The following RBFOX1 variants were observed in gnomAD, a reference collection of about 807,000 sequenced individuals.
RBFOX1 encodes the protein RNA binding protein fox-1 homolog 1.
Under a neutral mutation model 57.7 loss-of-function variants are expected in RBFOX1, and 8 were observed. The observed-to-expected ratio is 0.14, with a 90% CI of 0.08 to 0.25. The LOEUF is 0.25. Ranked by LOEUF, RBFOX1 falls within the 10% of genes least tolerant of loss-of-function variation. The probability of loss-of-function intolerance (pLI) is 1.00; values close to 1 mark genes in which losing one functional copy is unlikely to be tolerated. For missense variants in RBFOX1, 611 were observed against 548.5 expected (o/e 1.11, Z -1.14); for synonymous variants, 326 against 222.4 (o/e 1.47, Z -4.15).
At chr16:6,728,725 C>G (rs533403138) in intron 3 of RBFOX1, among the ~76,000 whole-genome samples, 3 of 152,050 alleles carry the variant, frequency 2.0e-5, no homozygotes, top group Non-Finnish European at 4.4e-5. Flanking sequence ...ATATTTAATG[C>G]TCAATAGAAG....
At chr16:6,843,265 A>T (rs2093586683) in intron 3 of RBFOX1, among the ~76,000 whole-genome samples, 1 of 152,176 alleles carries the variant, frequency 6.6e-6, no homozygotes, top group Non-Finnish European at 1.5e-5. Flanking sequence ...CAGCAGTATC[A>T]AGTTAGCCAA....
intron 3 of RBFOX1, among the ~76,000 whole-genome samples, chr16:5,751,458 G>C (rs2053200083): frequency 6.6e-6 from 1 of 152,200 alleles, no homozygotes; most frequent in Admixed American, 6.5e-5. Context: ...TACATCCACT[G>C]TAGACTTCTG....
chr16:5,475,378 T>C (rs2069284798), intron 2 of RBFOX1, among the ~76,000 whole-genome samples: 1 of 152,190 alleles, frequency 6.6e-6, no homozygotes, highest in Non-Finnish European at 1.5e-5. Flanking sequence ...CTGTAACCCT[T>C]GTTTCTCTAA....
chr16:5,819,864 G>T (rs73514239), intron 3 of RBFOX1, among the ~76,000 whole-genome samples: 3 of 152,164 alleles, frequency 2.0e-5, no homozygotes, highest in Non-Finnish European at 4.4e-5. Context: ...AGCTAGCTTT[G>T]TACCTCAAGT....
intron 4 of RBFOX1, among the ~76,000 whole-genome samples, chr16:7,445,155 C>G (rs563193053): frequency 1.3e-5 from 2 of 152,112 alleles, no homozygotes; most frequent in East Asian, 1.9e-4. Context: ...TTTTAAAGGG[C>G]TCAGCATGTG....
chr16:7,595,620 G>C lies in RBFOX1; in HGVS notation c.540G>C (p.Val180=). The change falls in exon 8 of 16, where the codon GTG becomes GTC. Residue 180 remains valine (V), a synonymous_variant. Transcript: ENST00000550418. ...DRAREKLHGT[V]VEGRKIEVNN... is the part of the protein sequence containing the mutation. ...CGAGGGAGAAATTACACGGCACCGT[G>C]GTAGAGGGCCGTAAAATCGAGGTGC... 6.3e-7 allele frequency: 1 copy of C among 1,579,928 alleles called. No individual in the cohort carries two copies. Among genetic ancestry groups the C allele is most frequent in the East Asian group, 2.3e-5 (1 of 43,710 alleles).
intron 5 of RBFOX1, among the ~76,000 whole-genome samples, chr16:7,573,708 C>T (rs1211914518): frequency 6.6e-6 from 1 of 151,966 alleles, no homozygotes; most frequent in East Asian, 1.9e-4. Flanking sequence ...GTGGCACACA[C>T]CTATAAATCC....
At chr16:6,919,684 G>T (rs888425260) in intron 3 of RBFOX1, among the ~76,000 whole-genome samples, 1 of 150,796 alleles carries the variant, frequency 6.6e-6, no homozygotes, top group Non-Finnish European at 1.5e-5. Context: ...AGATCCATAA[G>T]ACATTGTCAT....
At chr16:7,173,616 C>T (rs1337859707) in intron 4 of RBFOX1, among the ~76,000 whole-genome samples, 4 of 152,002 alleles carry the variant, frequency 2.6e-5, no homozygotes, top group African/African-American at 7.3e-5. Context: ...TATTCAGAAA[C>T]ACCAGGGAAA....
At chr16:5,824,135 C>T (rs1173935396) in intron 3 of RBFOX1, among the ~76,000 whole-genome samples, 2 of 152,190 alleles carry the variant, frequency 1.3e-5, no homozygotes, top group Admixed American at 1.3e-4. Flanking sequence ...AAGAAGTGCT[C>T]TTATCCACTT....
chr16:7,333,457 T>G (rs1326782004), intron 4 of RBFOX1, among the ~76,000 whole-genome samples: 2 of 152,164 alleles, frequency 1.3e-5, no homozygotes, highest in Non-Finnish European at 2.9e-5. Flanking sequence ...GGTGACTCAG[T>G]TAAGAGCTTT....
At chr16:7,595,144 T>A (rs978508439) in intron 7 of RBFOX1, among the ~76,000 whole-genome samples, 5 of 152,120 alleles carry the variant, frequency 3.3e-5, no homozygotes, top group Non-Finnish European at 7.4e-5. Context: ...CGTGCACACG[T>A]TTTATTTTAT....
intron 2 of RBFOX1, among the ~76,000 whole-genome samples, chr16:6,353,874 C>T (rs550513052): frequency 6.6e-6 from 1 of 152,284 alleles, no homozygotes; most frequent in African/African-American, 2.4e-5. Flanking sequence ...CTTTTCCTGC[C>T]TTCAGTGAAG....
intron 3 of RBFOX1, among the ~76,000 whole-genome samples, chr16:6,934,165 C>T (rs913041492): frequency 7.9e-5 from 12 of 152,116 alleles, no homozygotes; most frequent in East Asian, 1.9e-4. Context: ...CAGAGTTTTC[C>T]TAACAGTATG....
Position 6,074,360 on chromosome 16 carries a change from C to T in RBFOX1, c.-127+54368C>T, listed in dbSNP as rs558615426. On this transcript the variant is annotated intron_variant, in intron 1 of 15. Coordinates refer to ENST00000550418, the MANE Select transcript of RBFOX1 (RefSeq NM_018723.4). The stretch of plus-strand genomic sequence containing the variant: ...GTAATTCCAGCACAAACATTTCACC[C>T]CCTTATAGCTCTGCAGATATTTTCT... Among the ~76,000 whole-genome samples, 3 of 152,266 alleles carry T rather than the reference C, an allele frequency of 2.0e-5. No homozygotes were observed. In the East Asian group the frequency reaches 5.8e-4, roughly 29 times the overall value.
At chr16:6,210,379 G>T (rs1035695213) in intron 1 of RBFOX1, among the ~76,000 whole-genome samples, 8 of 54,192 alleles carry the variant, frequency 1.5e-4, no homozygotes, top group African/African-American at 4.3e-4. Flanking sequence ...AAAAAAAAAA[G>T]AGAAAGGAAG....
intron 14 of RBFOX1, among the ~76,000 whole-genome samples, chr16:7,694,950 C>G (rs1385573931): frequency 6.6e-6 from 1 of 152,150 alleles, no homozygotes; most frequent in Non-Finnish European, 1.5e-5. Flanking sequence ...CATCTTAGAT[C>G]AAACATGAAA....
intron 1 of RBFOX1, among the ~76,000 whole-genome samples, chr16:6,277,912 G>A (rs575598258): frequency 6.6e-6 from 1 of 152,206 alleles, no homozygotes; most frequent in African/African-American, 2.4e-5. Flanking sequence ...GGTTACCCTC[G>A]TGTAAGCTGT....
intron 2 of RBFOX1, among the ~76,000 whole-genome samples, chr16:5,527,922 C>T (rs1385577795): frequency 2.0e-5 from 3 of 152,166 alleles, no homozygotes; most frequent in African/African-American, 4.8e-5. Flanking sequence ...AGAGCACTCA[C>T]AGTGACTTCT....
Sources: gnomAD v4.1 joint callset for allele counts (sites outside exome capture counted in the v4.1 genomes callset) on GRCh38, gnomAD v4.1.1 for gene constraint, MANE v1.5 for transcripts, NCBI Gene and HGNC (gene_info 2026-07-23, HGNC 2026-07-21) for gene names.